Variants in PCDH9 observed in about 807,000 individuals in gnomAD.
PCDH9 encodes protocadherin-9.
A neutral mutation model predicts 70.6 loss-of-function variants in PCDH9; 24 were observed. The observed-to-expected ratio is 0.34, with a 90% CI of 0.25 to 0.48. PCDH9 has a LOEUF of 0.48. PCDH9 is among the 20% of genes least tolerant of loss of function. PCDH9 has a pLI of 0.99. For missense variants in PCDH9, 1,281 were observed against 1,503.6 expected, an observed-to-expected ratio of 0.85 and a Z score of 2.45; for synonymous variants, 562 against 558.5, an observed-to-expected ratio of 1.01 and a Z score of -0.09.
At chr13:66,789,552 C>T (rs80075736) in intron 3 of PCDH9, among the ~76,000 whole-genome samples, 141 of 151,890 alleles carry the variant, frequency 9.3e-4, no homozygotes, top group African/African-American at 3.2e-3. Context: ...CAGAATCTAG[C>T]TTTTATTTAA....
chr13:66,516,514 A>G (rs1365538886), intron 4 of PCDH9, among the ~76,000 whole-genome samples: 1 of 152,108 alleles, frequency 6.6e-6, no homozygotes, highest in African/African-American at 2.4e-5. Context: ...GAAATAAAAC[A>G]TGTTTGTAAA....
intron 4 of PCDH9, among the ~76,000 whole-genome samples, chr13:66,578,597 T>G (rs927169657): frequency 6.6e-6 from 1 of 152,038 alleles, no homozygotes; most frequent in African/African-American, 2.4e-5. Context: ...AATTTCAGAC[T>G]AGCATATTTT....
chr13:66,355,974 G>A (rs1956375900), intron 4 of PCDH9, among the ~76,000 whole-genome samples: 1 of 151,952 alleles, frequency 6.6e-6, no homozygotes, highest in Non-Finnish European at 1.5e-5. Context: ...TGACTCTCAA[G>A]CTAGATATTT....
intron 2 of PCDH9, among the ~76,000 whole-genome samples, chr13:66,966,027 G>A (rs553194191): frequency 3.9e-5 from 6 of 152,052 alleles, no homozygotes; most frequent in South Asian, 2.1e-4. Flanking sequence ...ACTAATTTAC[G>A]ATATACATGA....
intron 3 of PCDH9, among the ~76,000 whole-genome samples, chr13:66,682,578 G>A (rs2078343270): frequency 6.6e-6 from 1 of 152,030 alleles, no homozygotes; most frequent in South Asian, 2.1e-4. Flanking sequence ...CCTCCTTTCT[G>A]ATTGTTGTGT....
intron 2 of PCDH9, among the ~76,000 whole-genome samples, chr13:66,996,447 G>A (rs909002793): frequency 1.3e-5 from 2 of 152,070 alleles, no homozygotes; most frequent in Non-Finnish European, 2.9e-5. Context: ...GGTGAGGTAG[G>A]CCTCACAGAG....
chr13:66,345,410 G>T (rs1956197706), intron 4 of PCDH9, among the ~76,000 whole-genome samples: 1 of 151,974 alleles, frequency 6.6e-6, no homozygotes, highest in Admixed American at 6.6e-5. Context: ...GTTTTATCAG[G>T]CAGGGTTGTT....
rs374650246 is a variant in PCDH9 at position 67,020,631 on chromosome 13, T to C, written c.3037-117026A>G. Among the ~76,000 whole-genome samples, 9 of 152,194 alleles carry C rather than the reference T, an allele frequency of 5.9e-5. No individual in the cohort carries two copies. The East Asian group carries it at 1.7e-3, about 29-fold the overall frequency. On this transcript the variant is annotated intron_variant, in intron 2 of 4. Transcript: ENST00000377865. ...ACAGTAAAACATATAGCTGGCATTGTTACTAGCCAAATCCCTGCGGGGAAA... is the reference window on the plus strand; with the variant it reads ...ACAGTAAAACATATAGCTGGCATTGCTACTAGCCAAATCCCTGCGGGGAAA...
chr13:66,838,696 G>T (rs891820845), intron 3 of PCDH9, among the ~76,000 whole-genome samples: 1 of 152,000 alleles, frequency 6.6e-6, no homozygotes, highest in Non-Finnish European at 1.5e-5. Context: ...TGAGTTTATA[G>T]CCATGTCTTA....
At position 66,397,973 on chromosome 13, in the gene PCDH9, G is replaced by T. The variant is rs1014487904; in HGVS notation, c.3341-92945C>A. 1.3e-5 allele frequency among the ~76,000 whole-genome samples: 2 copies of T among 151,880 alleles called. 1 individual carries two copies. Among genetic ancestry groups the T allele is most frequent in the Admixed American group, 1.3e-4 (2 of 15,244 alleles). On this transcript the variant is annotated intron_variant, in intron 4 of 4. Coordinates refer to ENST00000377865, the MANE Select transcript of PCDH9 (RefSeq NM_203487.3). ...ATATTGAAATTATAAAATTAATAAT[G>T]CCAATAGATTTAATTTTATGTAATC...
chr13:66,486,497 A>T (rs1030732622), intron 4 of PCDH9, among the ~76,000 whole-genome samples: 1 of 152,004 alleles, frequency 6.6e-6, no homozygotes, highest in Non-Finnish European at 1.5e-5. Flanking sequence ...TTAGCCAGGC[A>T]TGATGGCATA....
chr13:66,683,364 T>C (rs115182590), intron 3 of PCDH9, among the ~76,000 whole-genome samples: 1 of 152,182 alleles, frequency 6.6e-6, no homozygotes, highest in African/African-American at 2.4e-5. Flanking sequence ...TTGCCTTCAA[T>C]AGCAAACAGG....
intron 4 of PCDH9, among the ~76,000 whole-genome samples, chr13:66,318,243 A>AT (rs1955689322): frequency 6.6e-6 from 1 of 152,176 alleles, no homozygotes; most frequent in African/African-American, 2.4e-5. Context: ...ATTTTATAAC[A>AT]TCTATATACA....
chr13:66,953,112 T>C (rs1028730), intron 2 of PCDH9, among the ~76,000 whole-genome samples: 44,986 of 151,952 alleles, frequency 0.3, 7,230 homozygotes, highest in East Asian at 0.63. Context: ...TACAGATTAC[T>C]AGATATATGA....
rs570287794 is a variant in PCDH9, at chr13:66,774,664, A to T, written c.3138+128840T>A. 4.3e-4 allele frequency among the ~76,000 whole-genome samples: 66 copies of T among 152,290 alleles called. 4 individuals are homozygous for T. The South Asian group carries it at 0.014, about 32-fold the overall frequency. On this transcript the variant is annotated intron_variant, in intron 3 of 4. Coordinates refer to ENST00000377865, the MANE Select transcript of PCDH9 (RefSeq NM_203487.3). ...GTTTAGCCCTAGAGTTTTCATATCC[A>T]TCCCTCAAGGTGATTTACAATACCC... is the stretch of plus-strand genomic sequence containing the variant.
chr13:66,943,096 A>G (rs528270724), intron 2 of PCDH9, among the ~76,000 whole-genome samples: 1 of 152,092 alleles, frequency 6.6e-6, no homozygotes, highest in Non-Finnish European at 1.5e-5. Context: ...TAGTAAACAT[A>G]GTTATTACAA....
chr13:66,342,386 A>G (rs1956142162), intron 4 of PCDH9, among the ~76,000 whole-genome samples: 1 of 152,254 alleles, frequency 6.6e-6, no homozygotes, highest in Non-Finnish European at 1.5e-5. Context: ...AAGATGGGCA[A>G]CTATAATAAT....
At chr13:66,965,476 G>A (rs912384909) in intron 2 of PCDH9, among the ~76,000 whole-genome samples, 9 of 152,004 alleles carry the variant, frequency 5.9e-5, no homozygotes, top group African/African-American at 2.2e-4. Context: ...TGCTTAGGAA[G>A]TCTTCCAGAT....
At position 66,938,616 on chromosome 13, in the gene PCDH9, C is replaced by A. The variant is rs568699451; in HGVS notation, c.3037-35011G>T. On this transcript the variant is annotated intron_variant, in intron 2 of 4. Transcript: ENST00000377865. ...AATTCCTATCTTCATGCAGAAACGA[C>A]TGACATTGATGTTATCATAGACAAA... Among the ~76,000 whole-genome samples, 13 of 152,306 alleles carry A rather than the reference C, an allele frequency of 8.5e-5. No homozygotes were observed. In the East Asian group the frequency reaches 2.5e-3, roughly 29 times the overall value.
Sources: gnomAD v4.1 joint callset for allele counts (sites outside exome capture counted in the v4.1 genomes callset) on GRCh38, gnomAD v4.1.1 for gene constraint, MANE v1.5 for transcripts, NCBI Gene and HGNC (gene_info 2026-07-23, HGNC 2026-07-21) for gene names.